The following CAPN11 variants were observed in gnomAD, a reference collection of about 807,000 sequenced individuals.
CAPN11 encodes the protein calpain-11.
Under a neutral mutation model 105.3 loss-of-function variants are expected in CAPN11, and 108 were observed. The observed-to-expected ratio is 1.03, with a 90% CI of 0.88 to 1.20. The LOEUF (loss-of-function observed/expected upper bound fraction) is 1.20, where lower values mean the gene tolerates loss of function less well. CAPN11 is among the 50% of genes most tolerant of loss of function. The pLI, the probability that CAPN11 is intolerant of heterozygous loss-of-function variation, is 0.00. For synonymous variants in CAPN11, 329 were observed against 344.5 expected (o/e 0.96, Z 0.50); for missense variants, 883 against 924.8 (o/e 0.95, Z 0.59).
In CAPN11 at chr6:44,176,161, G is replaced by A; in HGVS notation, c.915+10G>A. On this transcript the variant is annotated intron_variant, in intron 8 of 22. Transcript: ENST00000398776. ...GACTGGCCTTCAGGATGTGAGTCCTGAGAAATGCGCCCTACCCTGAGGACC... is the reference window on the plus strand; with the variant it reads ...GACTGGCCTTCAGGATGTGAGTCCTAAGAAATGCGCCCTACCCTGAGGACC... 1.2e-6 allele frequency: 2 copies of A among 1,611,254 alleles called. No individual in the cohort carries two copies. Among genetic ancestry groups the A allele is most frequent in the Non-Finnish European group, 1.7e-6 (2 of 1,177,670 alleles).
intron 10 of CAPN11, 76 bp downstream of exon 10, chr6:44,176,731 T>C: frequency 1.3e-6 from 2 of 1,564,664 alleles, no homozygotes; most frequent in South Asian, 1.2e-5. Context: ...CGCTCCTCTC[T>C]GTGCCTTGGA....
intron 19 of CAPN11, among the ~76,000 whole-genome samples, 190 bp downstream of exon 19, chr6:44,181,510 TCA>T (rs1773304367): frequency 1.1e-4 from 1 of 9,022 alleles, no homozygotes; most frequent in Non-Finnish European, 2.5e-4. Flanking sequence ...ACACACACAC[TCA>T]CATACAGACA....
intron 21 of CAPN11, 121 bp from the exon 22 acceptor site, chr6:44,183,584 G>A (rs2128319747): frequency 1.1e-6 from 1 of 907,646 alleles, no homozygotes; most frequent in Non-Finnish European, 1.8e-6. Context: ...TTGGCTAGGG[G>A]ATTTATGTGG....
chr6:44,181,474 TACAG>T (rs375243083), intron 19 of CAPN11, among the ~76,000 whole-genome samples, 154 bp downstream of exon 19: 896 of 11,932 alleles, frequency 0.075, 48 homozygotes, highest in Non-Finnish European at 0.12. Context: ...CACACTCACA[TACAG>T]ACACAACCAC....
chr6:44,172,924 T>C lies in CAPN11; in HGVS notation c.529-16T>C, dbSNP rs776643350. On this transcript the variant is annotated splice_polypyrimidine_tract_variant and intron_variant, in intron 5 of 22. Transcript: ENST00000398776. ...ATAGGGTTCCCACGCAAGGGGTGTG[T>C]GTTTGCTACCCACAGATTTGGCAGT... 1 of 1,612,302 alleles carries C rather than the reference T, an allele frequency of 6.2e-7. No individual in the cohort carries two copies. The highest frequency in any genetic ancestry group is 1.7e-5 in the Admixed American group (1 of 59,802).
intron 1 of CAPN11, among the ~76,000 whole-genome samples, chr6:44,160,493 T>C (rs994999640): frequency 6.6e-5 from 10 of 152,000 alleles, no homozygotes; most frequent in Non-Finnish European, 1.0e-4. Flanking sequence ...GGCGGGCGCC[T>C]GTAGTCCCAG....
intron 1 of CAPN11, among the ~76,000 whole-genome samples, chr6:44,159,210 G>A (rs1410381380): frequency 1.3e-5 from 2 of 152,146 alleles, no homozygotes; most frequent in Non-Finnish European, 2.9e-5. Flanking sequence ...CATGGCTGCT[G>A]GGGAAAAGGG....
Position 44,180,340 on chromosome 6 carries a change from C to T in CAPN11, c.1641-120C>T. On this transcript the variant is annotated intron_variant, in intron 14 of 22. Transcript: ENST00000398776. ...CAGAACCAGAACTAGAACTAGAACCCATATTCCATGGAGCTGCCCTATATT... is the reference window on the plus strand; with the variant it reads ...CAGAACCAGAACTAGAACTAGAACCTATATTCCATGGAGCTGCCCTATATT... The T allele has an allele frequency of 3.0e-6, 3 of 1,005,034 alleles. No individual in the cohort carries two copies. The South Asian group carries it at 4.4e-5, about 15-fold the overall frequency. 62.3% of individuals were successfully genotyped at this position (1,005,034 alleles called of 1,614,324 possible). A position where few individuals can be genotyped will look rare whatever the true frequency, so the allele number is the denominator to read the frequency against.
chr6:44,172,402 T>C lies in CAPN11; in HGVS notation c.510T>C (p.Ala170=). Residue 170 remains alanine, a synonymous_variant, in exon 5 of 23, where the codon GCT becomes GCC. Transcript: ENST00000398776. ...GACAGAGCTTCAAGAAAAACTATGC[T>C]GGCATCTTCCATTTTCAGGTGAAGG... ...PRGQSFKKNY[A]GIFHFQIWQF... 2 of 1,555,284 alleles carry C rather than the reference T, an allele frequency of 1.3e-6. No homozygotes were observed. The highest frequency in any genetic ancestry group is 1.7e-6 in the Non-Finnish European group (2 of 1,148,806).
intron 1 of CAPN11, among the ~76,000 whole-genome samples, chr6:44,166,032 C>T (rs1769774692): frequency 6.6e-6 from 1 of 151,872 alleles, no homozygotes. Context: ...GTGAAGGACT[C>T]CATGACTGTT....
chr6:44,170,479 G>T (rs986866983), intron 4 of CAPN11, among the ~76,000 whole-genome samples: 7 of 152,188 alleles, frequency 4.6e-5, no homozygotes, highest in African/African-American at 1.7e-4. Context: ...GGAGGCCCCA[G>T]TTCCTCACCA....
At chr6:44,180,878 C>T (rs1480835374) in intron 17 of CAPN11, 55 bp from the exon 18 acceptor site, 2 of 1,602,932 alleles carry the variant, frequency 1.2e-6, no homozygotes, top group East Asian at 2.2e-5. Context: ...TCCCAGTGCC[C>T]CCACGATACC....
At chr6:44,166,936 T>TGTGGG in intron 2 of CAPN11, 107 bp downstream of exon 2, 1 of 462,776 alleles carries the variant, frequency 2.2e-6, no homozygotes, top group Admixed American at 2.9e-5. Context: ...AGTCATGTTG[T>TGTGGG]GTGGGGAGGG....
In CAPN11 at chr6:44,164,696, T is replaced by C. The variant is rs1303962813; in HGVS notation, c.17-2062T>C. 3.3e-5 allele frequency among the ~76,000 whole-genome samples: 5 copies of C among 152,014 alleles called. No homozygotes were observed. In the South Asian group the frequency reaches 6.2e-4, roughly 19 times the overall value. ...CCCAGTGTGAGCATGGGATCAGGAA[T>C]GATTGCAGGCAGAGGCACAAGGATG... is the stretch of plus-strand genomic sequence containing the variant. On this transcript the variant is annotated intron_variant, in intron 1 of 22. Transcript: ENST00000398776.
chr6:44,166,073 G>A (rs1185155476), intron 1 of CAPN11, among the ~76,000 whole-genome samples: 1 of 152,072 alleles, frequency 6.6e-6, no homozygotes, highest in African/African-American at 2.4e-5. Flanking sequence ...TTGGGATCTT[G>A]GGGGACCAGG....
In CAPN11 at chr6:44,169,195, A is replaced by G. The variant is rs993398998; in HGVS notation, c.89-86A>G. 14 of 1,389,562 alleles carry G rather than the reference A, an allele frequency of 1.0e-5. 1 individual carries two copies. In the African/African-American group the frequency reaches 2.0e-4, roughly 20 times the overall value. The allele number at this position is 1,389,562 out of a possible 1,614,324, so 86.1% of individuals were successfully genotyped here. ...GAGATCCTCCCACCTCAGCCTCCCA[A>G]AGTGCTGAGATTACAGGAGTGAACC... On this transcript the variant is annotated intron_variant, in intron 2 of 22. Coordinates refer to ENST00000398776, the MANE Select transcript of CAPN11 (RefSeq NM_007058.4).
chr6:44,165,648 T>G (rs911377241), intron 1 of CAPN11, among the ~76,000 whole-genome samples: 4 of 152,084 alleles, frequency 2.6e-5, no homozygotes, highest in African/African-American at 9.7e-5. Context: ...CTGGAGGGAC[T>G]GTCTCTCCTG....
At chr6:44,179,737 C>A in intron 13 of CAPN11, 107 bp downstream of exon 13, 1 of 1,238,544 alleles carries the variant, frequency 8.1e-7, no homozygotes, top group Non-Finnish European at 1.2e-6. Flanking sequence ...CTCTGGGGGT[C>A]ACTGGGTTAG....
chr6:44,183,162 G>T lies in CAPN11; in HGVS notation c.2061G>T (p.Arg687Ser). Residue 687 changes from arginine (R) to serine (S), a missense_variant, in exon 21 of 23, where the codon AGG becomes AGT. By Grantham distance (110) the Arg-to-Ser change is moderately radical. Transcript: ENST00000398776. ...NNKVMQVLVA[R>S]YADDDLIIDF... ...AGGTAATGCAGGTCCTGGTGGCCAGGTATGCAGATGATGACCTGATCATAG... is the reference window on the plus strand; with the variant it reads ...AGGTAATGCAGGTCCTGGTGGCCAGTTATGCAGATGATGACCTGATCATAG... The T allele has an allele frequency of 1.2e-6, 2 of 1,613,760 alleles. No individual in the cohort carries two copies. Among genetic ancestry groups the T allele is most frequent in the South Asian group, 2.2e-5 (2 of 91,088 alleles).
Sources: gnomAD v4.1 joint callset for allele counts (sites outside exome capture counted in the v4.1 genomes callset) on GRCh38, gnomAD v4.1.1 for gene constraint, MANE v1.5 for transcripts, NCBI Gene and HGNC (gene_info 2026-07-23, HGNC 2026-07-21) for gene names.